The following RFT1 variants were observed in gnomAD, a reference collection of about 807,000 sequenced individuals.
RFT1 encodes the protein RFT1 glycolipid translocator homolog.
RFT1 carries 43 observed loss-of-function variants against 62.2 expected under a neutral mutation model. That is an observed-to-expected ratio of 0.69 (90% confidence interval 0.54 to 0.89). RFT1 has a LOEUF of 0.89. RFT1 is among the 40% of genes least tolerant of loss of function. The pLI, the probability that RFT1 is intolerant of heterozygous loss-of-function variation, is 0.00. For synonymous variants in RFT1, 262 were observed against 264.6 expected (o/e 0.99, Z 0.10); for missense variants, 605 against 649.9 (o/e 0.93, Z 0.75).
chr3:53,093,299 G>C (rs911067029), intron 11 of RFT1, among the ~76,000 whole-genome samples: 3 of 152,160 alleles, frequency 2.0e-5, no homozygotes, highest in Non-Finnish European at 4.4e-5. Flanking sequence ...CCCACTCTCT[G>C]TATCTCTAGA....
chr3:53,107,236 T>C lies in RFT1; in HGVS notation c.776-367A>G, dbSNP rs561816176. Among the ~76,000 whole-genome samples the C allele has an allele frequency of 3.3e-3, 501 of 151,384 alleles. 2 individuals carry two copies. The highest frequency in any genetic ancestry group is 0.011 in the African/African-American group (451 of 41,274). On this transcript the variant is annotated intron_variant, in intron 7 of 12. Coordinates refer to ENST00000296292, the MANE Select transcript of RFT1 (RefSeq NM_052859.4). ...CTGCAAGCTCTGCCTTCTGGGTTCA[T>C]GCCATTCTCCTGCCTCAGTCTCCCG...
At chr3:53,080,777 T>G in the RFT1 span, among the ~76,000 whole-genome samples, 1 of 152,048 alleles carries the variant, frequency 6.6e-6, no homozygotes, top group Non-Finnish European at 1.5e-5. Context: ...CACAGGGGGA[T>G]CAAGCACTTT....
intron 11 of RFT1, 136 bp downstream of exon 11, chr3:53,099,245 C>A: frequency 1.4e-6 from 1 of 728,320 alleles, no homozygotes. Flanking sequence ...AGGGGAGCAC[C>A]ACACTGGTGG....
In RFT1 at chr3:53,130,342, A is replaced by G; in HGVS notation, c.59T>C (p.Leu20Pro). The G allele has an allele frequency of 6.4e-7, 1 of 1,568,784 alleles. No homozygotes were observed. Among genetic ancestry groups the G allele is most frequent in the Admixed American group, 1.9e-5 (1 of 53,660 alleles). Residue 20 changes from leucine (L) to proline (P), a missense_variant, in exon 1 of 13, where the codon CTG (leucine) becomes CCG (proline). Coordinates refer to ENST00000296292, the MANE Select transcript of RFT1 (RefSeq NM_052859.4). Reference sequence around the variant, plus strand: ...AACCTGAAGGGCAGAGAGTACCTGCAGGAGGAGACCGGAGGAGGCCAGCCG... The same window carrying G: ...AACCTGAAGGGCAGAGAGTACCTGCGGGAGGAGACCGGAGGAGGCCAGCCG... Reference protein sequence around the residue: ...AARLASSGLLLQVLFRLITFV... With the variant: ...AARLASSGLLPQVLFRLITFV...
At chr3:53,121,056 C>T (rs11713926) in intron 5 of RFT1, among the ~76,000 whole-genome samples, 11,651 of 152,286 alleles carry the variant, frequency 0.077, 546 homozygotes, top group East Asian at 0.12. Flanking sequence ...AACTGCTTTG[C>T]ACTGTAAAAT....
intron 6 of RFT1, among the ~76,000 whole-genome samples, chr3:53,117,298 T>A (rs1377105486): frequency 6.6e-6 from 1 of 152,216 alleles, no homozygotes; most frequent in African/African-American, 2.4e-5. Context: ...TTCATGGAAC[T>A]CCTGAAGTCT....
chr3:53,107,784 T>C (rs975206773), intron 7 of RFT1, among the ~76,000 whole-genome samples: 3 of 152,126 alleles, frequency 2.0e-5, no homozygotes, highest in African/African-American at 2.4e-5. Context: ...TTGACCACTA[T>C]GGAAAAGGAG....
intron 5 of RFT1, 95 bp from the exon 6 acceptor site, chr3:53,120,116 A>AG (rs2107158156): frequency 9.1e-7 from 1 of 1,098,660 alleles, no homozygotes; most frequent in Non-Finnish European, 1.3e-6. Context: ...AACTCTCTTG[A>AG]TTAACTGCAC....
At chr3:53,108,271 C>T (rs555218443) in intron 7 of RFT1, among the ~76,000 whole-genome samples, 4 of 151,296 alleles carry the variant, frequency 2.6e-5, no homozygotes, top group East Asian at 3.9e-4. Context: ...AGGCCAGTTT[C>T]GAACTCCTGA....
At chr3:53,074,644 T>G in the RFT1 span, among the ~76,000 whole-genome samples, 2 of 152,114 alleles carry the variant, frequency 1.3e-5, no homozygotes, top group Non-Finnish European at 1.5e-5. Flanking sequence ...CTGGCTCCAC[T>G]TCATTCTTGG....
At chr3:53,122,634 T>C in intron 3 of RFT1, 71 bp from the exon 4 acceptor site, 1 of 999,776 alleles carries the variant, frequency 1.0e-6, no homozygotes, top group Non-Finnish European at 1.4e-6. Context: ...ATAGTAACAC[T>C]GAACAGAAAA....
intron 11 of RFT1, among the ~76,000 whole-genome samples, chr3:53,093,749 G>A (rs1004062846): frequency 3.9e-5 from 6 of 152,066 alleles, no homozygotes; most frequent in Non-Finnish European, 7.4e-5. Flanking sequence ...ACCCAGGGTT[G>A]GTGGCACACA....
At chr3:53,067,422 C>T in the RFT1 span, among the ~76,000 whole-genome samples, 5 of 152,066 alleles carry the variant, frequency 3.3e-5, no homozygotes, top group Admixed American at 6.6e-5. Flanking sequence ...ACATGTATGA[C>T]GACATTTGGG....
At chr3:53,074,673 G>A in the RFT1 span, among the ~76,000 whole-genome samples, 5 of 152,172 alleles carry the variant, frequency 3.3e-5, no homozygotes, top group South Asian at 4.1e-4. Flanking sequence ...AGGAGGCCAG[G>A]CTGAGCACTG....
At chr3:53,077,464 C>T in the RFT1 span, among the ~76,000 whole-genome samples, 1 of 152,246 alleles carries the variant, frequency 6.6e-6, no homozygotes, top group Non-Finnish European at 1.5e-5. Context: ...CTTGAGCAAA[C>T]CCCTTCCAAA....
chr3:53,105,580 C>T, intron 9 of RFT1, 93 bp downstream of exon 9: 1 of 1,461,190 alleles, frequency 6.8e-7, no homozygotes, highest in Non-Finnish European at 9.6e-7. Context: ...AATTCCTGAT[C>T]AAACAGAAGA....
At chr3:53,076,584 G>C in the RFT1 span, among the ~76,000 whole-genome samples, 6 of 152,284 alleles carry the variant, frequency 3.9e-5, no homozygotes, top group African/African-American at 1.4e-4. Context: ...CCAAATCATA[G>C]CATTTGAAGG....
intron 5 of RFT1, among the ~76,000 whole-genome samples, chr3:53,120,385 T>C (rs935996214): frequency 3.9e-5 from 6 of 152,374 alleles, no homozygotes; most frequent in Non-Finnish European, 7.3e-5. Flanking sequence ...TGCAAAGATC[T>C]ATGTATCCTA....
chr3:53,100,502 A>G (rs1199705599), intron 10 of RFT1, among the ~76,000 whole-genome samples: 1 of 152,242 alleles, frequency 6.6e-6, no homozygotes, highest in Non-Finnish European at 1.5e-5. Flanking sequence ...TAGCAGTTTG[A>G]TTCATAATAG....
Sources: allele counts gnomAD v4.1 joint callset (sites outside exome capture counted in the v4.1 genomes callset), GRCh38; gene constraint gnomAD v4.1.1; transcripts MANE v1.5; gene names NCBI Gene and HGNC (gene_info 2026-07-23, HGNC 2026-07-21).